Variants in NDUFB6 observed in about 807,000 individuals in gnomAD.
NDUFB6 encodes NADH:ubiquinone oxidoreductase subunit B6.
A neutral mutation model predicts 17.5 loss-of-function variants in NDUFB6; 23 were observed. The ratio of observed to expected loss-of-function variants is 1.31; its 90% CI spans 0.94 to 1.86. The LOEUF is 1.86. Ranked by LOEUF, NDUFB6 falls within the 40% of genes most tolerant of loss-of-function variation. The pLI is 0.00. For synonymous variants in NDUFB6, 60 were observed against 53.5 expected (o/e 1.12, Z -0.53); for missense variants, 167 against 153.8 (o/e 1.09, Z -0.46).
intron 3 of NDUFB6, among the ~76,000 whole-genome samples, chr9:32,558,060 T>C (rs907762463): frequency 3.3e-5 from 5 of 152,098 alleles, no homozygotes; most frequent in Non-Finnish European, 7.4e-5. Context: ...AGTCACCTTT[T>C]AATGCTAAAA....
intron 2 of NDUFB6, chr9:32,566,595 AC>A (rs1487524919): frequency 6.4e-6 from 5 of 785,026 alleles, no homozygotes; most frequent in Non-Finnish European, 9.4e-6. Context: ...GGAGCGGAGG[AC>A]CCGCAGGAAT....
chr9:32,561,357 G>A (rs981150133), intron 2 of NDUFB6, among the ~76,000 whole-genome samples: 3 of 150,948 alleles, frequency 2.0e-5, no homozygotes, highest in East Asian at 1.9e-4. Flanking sequence ...ACAGAGTCTC[G>A]TTATATCGCT....
intron 2 of NDUFB6, among the ~76,000 whole-genome samples, chr9:32,563,408 C>T (rs1427140002): frequency 6.7e-6 from 1 of 149,538 alleles, no homozygotes; most frequent in Non-Finnish European, 1.5e-5. Flanking sequence ...GTGGGCAGCA[C>T]AATCATAGCT....
At chr9:32,556,502 G>C (rs778013301) in intron 3 of NDUFB6, among the ~76,000 whole-genome samples, 1 of 152,198 alleles carries the variant, frequency 6.6e-6, no homozygotes, top group Admixed American at 6.5e-5. Context: ...TTGAGATTTG[G>C]AAGTTTGTTA....
chr9:32,553,597 TAAG>T lies in NDUFB6; in HGVS notation c.*276_*278del. The T allele has an allele frequency of 2.7e-6, 1 of 375,600 alleles. No individual in the cohort carries two copies. Among genetic ancestry groups the T allele is most frequent in the African/African-American group, 2.1e-5 (1 of 48,048 alleles). The allele number at this position is 375,600 out of a possible 1,614,324, so 23.3% of individuals were successfully genotyped here. On this transcript the variant is annotated 3_prime_UTR_variant, in exon 4 of 4. Transcript: ENST00000379847. ...ATACCAAATTAGTGTAAGTACTGTG[TAAG>T]AAAAAAACAAACAAACATGTAACTA... is the stretch of plus-strand genomic sequence containing the variant.
At chr9:32,569,945 G>A (rs1368528734) in intron 2 of NDUFB6, among the ~76,000 whole-genome samples, 2 of 152,134 alleles carry the variant, frequency 1.3e-5, no homozygotes, top group African/African-American at 2.4e-5. Context: ...TGTGTAACTC[G>A]TTTTGGTGGT....
chr9:32,568,788 T>C lies in NDUFB6; in HGVS notation c.273+2172A>G, dbSNP rs1359860258. Among the ~76,000 whole-genome samples, 78 of 144,834 alleles carry C rather than the reference T, an allele frequency of 5.4e-4. No individual in the cohort carries two copies. The Admixed American group carries it at 5.4e-3, about 10-fold the overall frequency. On this transcript the variant is annotated intron_variant, in intron 2 of 3. Transcript: ENST00000379847. ...TTTTTTGAGATGGAGTCTTGCTCTG[T>C]TGCCCAGGATGGAGTGCAGTGGTGC...
intron 2 of NDUFB6, among the ~76,000 whole-genome samples, chr9:32,563,720 T>C (rs771499606): frequency 5.3e-5 from 8 of 152,204 alleles, no homozygotes; most frequent in South Asian, 2.1e-4. Flanking sequence ...CAGCAAATTA[T>C]TGCATCAAAA....
chr9:32,555,095 C>G (rs1470960753), intron 3 of NDUFB6, among the ~76,000 whole-genome samples: 1 of 138,546 alleles, frequency 7.2e-6, no homozygotes, highest in Admixed American at 7.2e-5. Flanking sequence ...TGTTCCTGAC[C>G]AAAAAAAAAA....
At chr9:32,559,679 A>T (rs766077366) in intron 2 of NDUFB6, among the ~76,000 whole-genome samples, 5 of 152,282 alleles carry the variant, frequency 3.3e-5, no homozygotes, top group Non-Finnish European at 5.9e-5. Flanking sequence ...TTCAAAGATC[A>T]CTTCCTCAGA....
chr9:32,573,105 C>CTACG lies in NDUFB6; in HGVS notation c.-49_-46dup. ...CAAAAGGACACGGCGCACCCTCGAA[C>CTACG]TACGGACTAGTTACTTAAGCGCGCT... On this transcript the variant is annotated 5_prime_UTR_variant, in exon 1 of 4. Transcript: ENST00000379847. The CTACG allele has an allele frequency of 6.8e-7, 1 of 1,481,354 alleles. No individual in the cohort carries two copies. 91.8% of individuals were successfully genotyped at this position (1,481,354 alleles called of 1,614,324 possible).
chr9:32,570,929 T>C (rs1309117123), intron 2 of NDUFB6, 31 bp downstream of exon 2: 3 of 1,461,594 alleles, frequency 2.1e-6, no homozygotes, highest in Middle Eastern at 2.1e-4. Flanking sequence ...TGGACAATAT[T>C]AAAAATGAAT....
At chr9:32,564,585 T>C (rs1488046463) in intron 2 of NDUFB6, among the ~76,000 whole-genome samples, 1 of 152,158 alleles carries the variant, frequency 6.6e-6, no homozygotes, top group East Asian at 1.9e-4. Flanking sequence ...TATCATAAAA[T>C]ACATGATTTA....
At chr9:32,564,562 A>C (rs1821724163) in intron 2 of NDUFB6, among the ~76,000 whole-genome samples, 1 of 152,190 alleles carries the variant, frequency 6.6e-6, no homozygotes, top group South Asian at 2.1e-4. Flanking sequence ...TGCCCATTTC[A>C]AAAAAATTCA....
intron 2 of NDUFB6, 31 bp from the exon 3 acceptor site, chr9:32,558,985 T>C (rs375668031): frequency 1.1e-5 from 17 of 1,507,734 alleles, no homozygotes; most frequent in African/African-American, 1.1e-4. Flanking sequence ...GTGTTAATTA[T>C]GGTGTTAAGA....
At chr9:32,566,650 CCT>C in intron 2 of NDUFB6, 4 of 800,736 alleles carry the variant, frequency 5.0e-6, no homozygotes, top group Non-Finnish European at 9.1e-6. Context: ...CAGGAGCTCA[CCT>C]CTCTCAGGTA....
chr9:32,563,209 G>A (rs1051705729), intron 2 of NDUFB6, among the ~76,000 whole-genome samples: 3 of 152,116 alleles, frequency 2.0e-5, no homozygotes, highest in Admixed American at 2.0e-4. Flanking sequence ...TGTTAATTTA[G>A]ACCCCTTGAC....
intron 2 of NDUFB6, chr9:32,567,024 G>T (rs1821814881): frequency 2.0e-6 from 1 of 501,548 alleles, no homozygotes; most frequent in Admixed American, 2.3e-5. Flanking sequence ...TAGAAGCAGA[G>T]GTAGCCCTTG....
chr9:32,558,764 T>C (rs1007546351), intron 3 of NDUFB6, 146 bp downstream of exon 3: 3 of 498,126 alleles, frequency 6.0e-6, no homozygotes, highest in Non-Finnish European at 1.0e-5. Flanking sequence ...TTGTTTTGTT[T>C]TGTTTTTTAC....
Sources: allele counts gnomAD v4.1 joint callset (sites outside exome capture counted in the v4.1 genomes callset), GRCh38; gene constraint gnomAD v4.1.1; transcripts MANE v1.5; gene names NCBI Gene and HGNC (gene_info 2026-07-23, HGNC 2026-07-21).